The following UVRAG variants were observed in gnomAD, a reference collection of about 807,000 sequenced individuals.
The protein encoded by UVRAG is UV radiation resistance associated.
Under a neutral mutation model 78.0 loss-of-function variants are expected in UVRAG, and 19 were observed. The observed-to-expected ratio is 0.24, with a 90% confidence interval of 0.17 to 0.36. The LOEUF (loss-of-function observed/expected upper bound fraction) is 0.36. UVRAG is among the 10% of genes least tolerant of loss of function. UVRAG has a pLI of 1.00. For synonymous variants in UVRAG, 323 were observed against 324.6 expected, an observed-to-expected ratio of 1.00 and a Z score of 0.05; for missense variants, 740 against 853.8, an observed-to-expected ratio of 0.87 and a Z score of 1.66.
chr11:76,072,940 T>A (rs528811278), intron 13 of UVRAG, among the ~76,000 whole-genome samples: 2 of 152,292 alleles, frequency 1.3e-5, no homozygotes, highest in East Asian at 3.9e-4. Flanking sequence ...ATAATAATAC[T>A]AAGACATTTT....
At chr11:76,046,470 T>G (rs531058456) in intron 12 of UVRAG, among the ~76,000 whole-genome samples, 1 of 152,236 alleles carries the variant, frequency 6.6e-6, no homozygotes, top group African/African-American at 2.4e-5. Flanking sequence ...GTACGTAAAT[T>G]TAGCAAATGA....
rs552065326 is a variant in UVRAG at position 75,853,166 on chromosome 11, G to A, written c.235+1166G>A. Among the ~76,000 whole-genome samples the A allele has an allele frequency of 3.2e-3, 493 of 152,150 alleles. 1 individual carries two copies. The highest frequency in any genetic ancestry group is 0.011 in the African/African-American group (441 of 41,508). On this transcript the variant is annotated intron_variant, in intron 2 of 14. Transcript: ENST00000356136. ...GGACTCAAGCTATGCTCCTCCCCCAGCCTCCCAAAGTGCTGGGATTATAGG... is the reference window on the plus strand; with the variant it reads ...GGACTCAAGCTATGCTCCTCCCCCAACCTCCCAAAGTGCTGGGATTATAGG...
chr11:75,820,062 A>T (rs899072000), intron 1 of UVRAG, among the ~76,000 whole-genome samples: 1 of 152,120 alleles, frequency 6.6e-6, no homozygotes, highest in Middle Eastern at 3.2e-3. Context: ...CTGAGGCCTC[A>T]ACCTCCTGGG....
At chr11:76,041,197 G>T (rs967946127) in intron 12 of UVRAG, among the ~76,000 whole-genome samples, 1 of 146,142 alleles carries the variant, frequency 6.8e-6, no homozygotes, top group Non-Finnish European at 1.5e-5. Context: ...GAATATTATG[G>T]TCTGATGGAT....
intron 12 of UVRAG, among the ~76,000 whole-genome samples, chr11:76,047,681 G>T (rs903071369): frequency 6.6e-6 from 1 of 152,144 alleles, no homozygotes; most frequent in African/African-American, 2.4e-5. Context: ...GAGGCACTAA[G>T]ATTAAACTGT....
chr11:76,078,624 C>T (rs1198735686), intron 13 of UVRAG, among the ~76,000 whole-genome samples: 1 of 151,652 alleles, frequency 6.6e-6, no homozygotes, highest in African/African-American at 2.4e-5. Context: ...CAAGGTTAGA[C>T]CGGGTGCGGT....
At position 75,911,935 on chromosome 11, in the gene UVRAG, G is replaced by T; in HGVS notation, c.508-19G>T. 6.5e-7 allele frequency: 1 copy of T among 1,534,510 alleles called. No homozygotes were observed. Reference sequence around the variant, plus strand: ...TATTTTGTTTGGTTTTGATTAATTTGTTGGTTAATGTCTTTCAGGGTTATT... The same window carrying T: ...TATTTTGTTTGGTTTTGATTAATTTTTTGGTTAATGTCTTTCAGGGTTATT... On this transcript the variant is annotated intron_variant, in intron 5 of 14. Transcript: ENST00000356136.
At chr11:75,898,619 A>G (rs756933414) in intron 5 of UVRAG, among the ~76,000 whole-genome samples, 2 of 152,192 alleles carry the variant, frequency 1.3e-5, no homozygotes, top group Admixed American at 6.5e-5. Context: ...TCTTCGTTAT[A>G]CTACGTCACC....
intron 14 of UVRAG, among the ~76,000 whole-genome samples, chr11:76,139,298 C>T (rs1385324650): frequency 2.0e-5 from 3 of 152,158 alleles, no homozygotes; most frequent in Non-Finnish European, 4.4e-5. Context: ...GAAGAAACCC[C>T]AGATCTCTTT....
In UVRAG at chr11:76,141,311, C is replaced by G; in HGVS notation, c.1998C>G (p.Asp666Glu). 1 of 1,614,184 alleles carries G rather than the reference C, an allele frequency of 6.2e-7. No individual in the cohort carries two copies. The highest frequency in any genetic ancestry group is 8.5e-7 in the Non-Finnish European group (1 of 1,180,036). ...PVDSAVAVEC[D>E]EQVLGEFEEF... The stretch of plus-strand genomic sequence containing the variant: ...ACAGTGCTGTGGCAGTAGAGTGTGA[C>G]GAACAAGTTCTGGGAGAATTTGAAG... The change falls in exon 15 of 15, where the codon GAC (aspartate) becomes GAG (glutamate). Residue 666 changes from aspartate to glutamate, a missense_variant. Asp to Glu is a conservative substitution (Grantham distance 45, BLOSUM62 2). Transcript: ENST00000356136.
intron 5 of UVRAG, among the ~76,000 whole-genome samples, chr11:75,895,292 A>G (rs1307564784): frequency 6.6e-6 from 1 of 152,184 alleles, no homozygotes; most frequent in East Asian, 1.9e-4. Flanking sequence ...TTATCTTAAT[A>G]TGTCTTCAGG....
At chr11:76,060,284 C>A (rs747652280) in intron 12 of UVRAG, among the ~76,000 whole-genome samples, 1 of 152,170 alleles carries the variant, frequency 6.6e-6, no homozygotes, top group Non-Finnish European at 1.5e-5. Context: ...ACTTTACTTA[C>A]CAGATTTCAG....
rs57863770 is a variant in UVRAG at position 76,122,257 on chromosome 11, A to G, written c.1397+6242A>G. Among the ~76,000 whole-genome samples the G allele has an allele frequency of 2.0e-5, 3 of 152,312 alleles. No individual in the cohort carries two copies. The East Asian group carries it at 5.8e-4, about 29-fold the overall frequency. ...CACTAAGGAGATAACATTTCAGTGG[A>G]GAGTGGATCTGGAGCAAAAGAAGAA... On this transcript the variant is annotated intron_variant, in intron 14 of 14. Transcript: ENST00000356136.
intron 11 of UVRAG, 79 bp from the exon 12 acceptor site, chr11:76,016,736 C>A: frequency 1.6e-6 from 2 of 1,233,810 alleles, no homozygotes; most frequent in Non-Finnish European, 2.1e-6. Flanking sequence ...ATAAAATATT[C>A]TTTGAAAATT....
At chr11:75,863,368 G>A (rs1390256937) in intron 3 of UVRAG, among the ~76,000 whole-genome samples, 2 of 152,194 alleles carry the variant, frequency 1.3e-5, no homozygotes, top group African/African-American at 4.8e-5. Context: ...GAGTGATTAT[G>A]GGGAAGATAG....
chr11:76,051,881 G>A (rs1201307128), intron 12 of UVRAG, among the ~76,000 whole-genome samples: 1 of 152,152 alleles, frequency 6.6e-6, no homozygotes, highest in African/African-American at 2.4e-5. Flanking sequence ...GGACTTTTAG[G>A]ATAGAGATCA....
In UVRAG at chr11:75,887,823, A is replaced by G. The variant is rs969651567; in HGVS notation, c.433-1006A>G. Reference sequence around the variant, plus strand: ...GGTCTCGAATTTCTCACCTCAAGTGATCCGCCCGCTTCGGCCTCCCAAAGT... The same window carrying G: ...GGTCTCGAATTTCTCACCTCAAGTGGTCCGCCCGCTTCGGCCTCCCAAAGT... On this transcript the variant is annotated intron_variant, in intron 4 of 14. Transcript: ENST00000356136. 4.6e-5 allele frequency among the ~76,000 whole-genome samples: 7 copies of G among 152,016 alleles called. No individual in the cohort carries two copies. The East Asian group carries it at 1.4e-3, about 30-fold the overall frequency.
intron 9 of UVRAG, 41 bp from the exon 10 acceptor site, chr11:76,007,493 C>T (rs1178383800): frequency 1.4e-6 from 2 of 1,439,060 alleles, no homozygotes; most frequent in Admixed American, 3.4e-5. Flanking sequence ...AGCATGCAAG[C>T]ATATATTTTT....
chr11:75,866,376 TAAATA>T (rs1555077121), intron 3 of UVRAG, among the ~76,000 whole-genome samples: 2 of 150,238 alleles, frequency 1.3e-5, no homozygotes, highest in African/African-American at 4.9e-5. Context: ...AATAAATAAA[TAAATA>T]AAATAAAATA....
Sources: allele counts gnomAD v4.1 joint callset (sites outside exome capture counted in the v4.1 genomes callset), GRCh38; gene constraint gnomAD v4.1.1; transcripts MANE v1.5; gene names NCBI Gene and HGNC (gene_info 2026-07-23, HGNC 2026-07-21).